SLC29A3: variants seen among roughly 807,000 people sequenced by gnomAD.
SLC29A3 encodes equilibrative nucleoside transporter 3.
SLC29A3 carries 18 observed loss-of-function variants against 25.4 expected under a neutral mutation model. The observed-to-expected ratio is 0.71, with a 90% CI of 0.49 to 1.05. SLC29A3 has a LOEUF of 1.05. SLC29A3 is among the 50% of genes least tolerant of loss of function. The probability of loss-of-function intolerance (pLI) is 0.00; values close to 1 mark genes in which losing one functional copy is unlikely to be tolerated. For missense variants in SLC29A3, 586 were observed against 609.0 expected, an observed-to-expected ratio of 0.96 and a Z score of 0.40; for synonymous variants, 258 against 267.1, an observed-to-expected ratio of 0.97 and a Z score of 0.33.
In SLC29A3 at chr10:71,362,764, C is replaced by T; in HGVS notation, c.*156C>T. On this transcript the variant is annotated 3_prime_UTR_variant, in exon 6 of 6. Coordinates refer to ENST00000373189, the MANE Select transcript of SLC29A3 (RefSeq NM_018344.6). ...CATCCCTCCCAAGATGCCAGTGAGC[C>T]ACGTCCATGCCCATTCCGTGCAAGG... 2.3e-6 allele frequency: 2 copies of T among 881,842 alleles called. No individual in the cohort carries two copies. The highest frequency in any genetic ancestry group is 2.8e-5 in the South Asian group (2 of 70,820). 54.6% of individuals were successfully genotyped at this position (881,842 alleles called of 1,614,324 possible).
intron 4 of SLC29A3, among the ~76,000 whole-genome samples, chr10:71,378,600 C>G (rs780627200): frequency 2.0e-5 from 3 of 152,194 alleles, no homozygotes; most frequent in Non-Finnish European, 4.4e-5. Context: ...CACTTGAGAA[C>G]TAGTTAGAAA....
downstream of SLC29A3, chr10:71,366,172 T>TA (rs1388332874): frequency 6.6e-6 from 1 of 152,096 alleles, no homozygotes; most frequent in Non-Finnish European, 1.5e-5. Context: ...AAAAATTTTT[T>TA]ATAGAGGCAG....
intron 3 of SLC29A3, among the ~76,000 whole-genome samples, chr10:71,368,870 T>C (rs1308579131): frequency 6.6e-6 from 1 of 152,218 alleles, no homozygotes; most frequent in Admixed American, 6.5e-5. Flanking sequence ...ATTGTAGTAC[T>C]GCTCTCATCT....
At position 71,363,079 on chromosome 10, in the gene SLC29A3, A is replaced by G. The variant is rs1026827394; in HGVS notation, c.*471A>G. On this transcript the variant is annotated 3_prime_UTR_variant, in exon 6 of 6. Coordinates refer to ENST00000373189, the MANE Select transcript of SLC29A3 (RefSeq NM_018344.6). ...CTCCCTGGAATGGAAGTCCCCTGGC[A>G]TGGTCAGTCCTCAGGCCCAAGACTC... 5 of 451,810 alleles carry G rather than the reference A, an allele frequency of 1.1e-5. No individual in the cohort carries two copies. Among genetic ancestry groups the G allele is most frequent in the Admixed American group, 2.4e-5 (1 of 42,446 alleles). The allele number at this position is 451,810 out of a possible 1,614,324, so 28.0% of individuals were successfully genotyped here.
At position 71,351,746 on chromosome 10, in the gene SLC29A3, A is replaced by G; in HGVS notation, c.568A>G (p.Thr190Ala). The change falls in exon 4 of 6, where the codon ACC becomes GCC. Residue 190 changes from threonine (T) to alanine (A), a missense_variant. Thr to Ala is a moderately conservative substitution (Grantham distance 58). Coordinates refer to ENST00000373189, the MANE Select transcript of SLC29A3 (RefSeq NM_018344.6). The stretch of plus-strand genomic sequence containing the variant: ...CTTCAGCAGCAGCATCTACGGCATG[A>G]CCGGCTCCTTTCCTATGAGGAACTC... Reference protein sequence around the residue: ...TVFSSSIYGMTGSFPMRNSQA... With the variant: ...TVFSSSIYGMAGSFPMRNSQA... 6.2e-7 allele frequency: 1 copy of G among 1,613,978 alleles called. No homozygotes were observed. Among genetic ancestry groups the G allele is most frequent in the Non-Finnish European group, 8.5e-7 (1 of 1,180,006 alleles).
chr10:71,352,353 C>T (rs1469456143), intron 4 of SLC29A3, among the ~76,000 whole-genome samples: 3 of 152,144 alleles, frequency 2.0e-5, no homozygotes, highest in African/African-American at 4.8e-5. Flanking sequence ...AGTCTCCCAC[C>T]GTGACTGTGA....
chr10:71,331,359 G>A (rs546425681), intron 2 of SLC29A3, among the ~76,000 whole-genome samples: 3 of 152,196 alleles, frequency 2.0e-5, no homozygotes, highest in Non-Finnish European at 4.4e-5. Context: ...ATGGGAGCAG[G>A]ACAATGAGGC....
rs116043143 is a variant in SLC29A3, at chr10:71,358,254, G to T, written c.773+2011G>T. ...TTCATTCTCCCTGTCCTCATGAGGA[G>T]AGTCACTTCGTTAACCCCTAGAACC... On this transcript the variant is annotated intron_variant, in intron 5 of 5. Transcript: ENST00000373189. 2.4e-3 allele frequency among the ~76,000 whole-genome samples: 371 copies of T among 152,270 alleles called. 1 individual carries two copies. Among genetic ancestry groups the T allele is most frequent in the African/African-American group, 8.4e-3 (350 of 41,544 alleles).
intron 3 of SLC29A3, among the ~76,000 whole-genome samples, chr10:71,371,757 T>C (rs1038907393): frequency 9.2e-5 from 14 of 152,340 alleles, no homozygotes; most frequent in African/African-American, 3.4e-4. Context: ...TCTATCCTCA[T>C]GGGATTGTTG....
chr10:71,335,937 T>C lies in SLC29A3; in HGVS notation c.301-8272T>C, dbSNP rs754822335. 8.4e-4 allele frequency among the ~76,000 whole-genome samples: 127 copies of C among 151,358 alleles called. 2 individuals are homozygous for C. Among genetic ancestry groups the C allele is most frequent in the Admixed American group, 1.8e-3 (27 of 15,208 alleles). ...TTGGGATGGTGGAGGGAGCCAGAGG[T>C]GGACAGAGATGATGAGGAAGTGTGG... On this transcript the variant is annotated intron_variant, in intron 2 of 5. Transcript: ENST00000373189.
chr10:71,344,003 G>C (rs1846487236), intron 2 of SLC29A3, among the ~76,000 whole-genome samples: 1 of 152,170 alleles, frequency 6.6e-6, no homozygotes, highest in Admixed American at 6.5e-5. Flanking sequence ...GCTGACATTG[G>C]CAGCTATTTG....
Position 71,356,359 on chromosome 10 carries a change from AGTT to A in SLC29A3, c.773+120_773+122del, listed in dbSNP as rs201686943. On this transcript the variant is annotated intron_variant, in intron 5 of 5. Transcript: ENST00000373189. ...TTGTCTAGGTGCTATGGCTCAAAGC[AGTT>A]GTTCAACAAATAGGCTTGGCTGGTG... The A allele has an allele frequency of 2.8e-4, 371 of 1,318,370 alleles. 1 individual carries two copies. The African/African-American group carries it at 5.0e-3, about 18-fold the overall frequency. 81.7% of individuals were successfully genotyped at this position (1,318,370 alleles called of 1,614,324 possible). A position where few individuals can be genotyped will look rare whatever the true frequency, so the allele number is the denominator to read the frequency against.
intron 2 of SLC29A3, among the ~76,000 whole-genome samples, chr10:71,328,920 T>C (rs1846044677): frequency 6.6e-6 from 1 of 152,144 alleles, no homozygotes; most frequent in African/African-American, 2.4e-5. Flanking sequence ...AGAAGCAAGA[T>C]AGCATACTTG....
At chr10:71,333,581 C>T (rs1846171912) in intron 2 of SLC29A3, among the ~76,000 whole-genome samples, 1 of 152,264 alleles carries the variant, frequency 6.6e-6, no homozygotes, top group African/African-American at 2.4e-5. Context: ...CTCATTACCA[C>T]CAGGCCACAG....
intron 5 of SLC29A3, among the ~76,000 whole-genome samples, chr10:71,358,838 G>A (rs1169564005): frequency 6.6e-6 from 1 of 152,248 alleles, no homozygotes; most frequent in African/African-American, 2.4e-5. Flanking sequence ...GGGCAGGCCA[G>A]AGTCCCTTCC....
At chr10:71,320,759 T>G (rs1845830152) in intron 1 of SLC29A3, among the ~76,000 whole-genome samples, 1 of 152,196 alleles carries the variant, frequency 6.6e-6, no homozygotes, top group South Asian at 2.1e-4. Flanking sequence ...GAGAATGTCC[T>G]GGTCGTGCAG....
At chr10:71,320,298 A>AT (rs1589218581) in intron 1 of SLC29A3, among the ~76,000 whole-genome samples, 2 of 152,130 alleles carry the variant, frequency 1.3e-5, no homozygotes, top group Non-Finnish European at 2.9e-5. Flanking sequence ...GGTCATGATT[A>AT]TTTTTTACAT....
At chr10:71,349,621 C>A (rs1016444625) in intron 3 of SLC29A3, among the ~76,000 whole-genome samples, 3 of 151,980 alleles carry the variant, frequency 2.0e-5, no homozygotes, top group Non-Finnish European at 4.4e-5. Flanking sequence ...GATGACTAGG[C>A]GAAGGAATGT....
chr10:71,368,054 C>T (rs1302950899), downstream of SLC29A3, among the ~76,000 whole-genome samples: 6 of 152,028 alleles, frequency 3.9e-5, no homozygotes, highest in African/African-American at 7.2e-5. Flanking sequence ...AAGACCCTGT[C>T]GCTACAAAAA....
Sources: allele counts gnomAD v4.1 joint callset (sites outside exome capture counted in the v4.1 genomes callset), GRCh38; gene constraint gnomAD v4.1.1; transcripts MANE v1.5; gene names NCBI Gene and HGNC (gene_info 2026-07-23, HGNC 2026-07-21).